Variants in EMSY observed in about 807,000 individuals in gnomAD.
EMSY encodes the protein EMSY transcriptional repressor, BRCA2 interacting.
EMSY carries 26 observed loss-of-function variants against 134.6 expected under a neutral mutation model. The ratio of observed to expected loss-of-function variants is 0.19; its 90% CI spans 0.14 to 0.27. The LOEUF (loss-of-function observed/expected upper bound fraction) is 0.27, where lower values mean the gene tolerates loss of function less well. Ranked by LOEUF, EMSY falls within the 10% of genes least tolerant of loss-of-function variation. The probability of loss-of-function intolerance (pLI) is 1.00; values close to 1 mark genes in which losing one functional copy is unlikely to be tolerated. For missense variants in EMSY, 1,305 were observed against 1,611.4 expected (o/e 0.81, Z 3.26); for synonymous variants, 579 against 577.8 (o/e 1.00, Z -0.03).
intron 7 of EMSY, among the ~76,000 whole-genome samples, chr11:76,465,370 C>T (rs1389358204): frequency 6.6e-6 from 1 of 152,080 alleles, no homozygotes; most frequent in Non-Finnish European, 1.5e-5. Flanking sequence ...ACTCTCTACC[C>T]GAGTTTTCTC....
intron 1 of EMSY, among the ~76,000 whole-genome samples, chr11:76,446,052 G>A (rs1947374817): frequency 6.6e-6 from 1 of 152,030 alleles, no homozygotes; most frequent in Non-Finnish European, 1.5e-5. Context: ...CAGTGAGCTC[G>A]TTCATTCATT....
intron 8 of EMSY, among the ~76,000 whole-genome samples, chr11:76,483,170 A>C (rs1949048337): frequency 6.6e-6 from 1 of 152,226 alleles, no homozygotes; most frequent in South Asian, 2.1e-4. Flanking sequence ...TAAGTGAAGG[A>C]GAAATAAAAT....
At chr11:76,448,509 C>A (rs1468609755) in intron 2 of EMSY, among the ~76,000 whole-genome samples, 1 of 151,852 alleles carries the variant, frequency 6.6e-6, no homozygotes, top group African/African-American at 2.4e-5. Flanking sequence ...GGCTTGGGGG[C>A]CTTTGAATTG....
At chr11:76,547,920 C>T (rs1204118004) in intron 20 of EMSY, among the ~76,000 whole-genome samples, 5 of 152,180 alleles carry the variant, frequency 3.3e-5, no homozygotes, top group Admixed American at 2.0e-4. Context: ...GAGGTAAGGA[C>T]AGCAGAGTGA....
chr11:76,551,502 A>G (rs970690872), exon 21 of EMSY: 2 of 152,682 alleles, frequency 1.3e-5, no homozygotes, highest in African/African-American at 2.4e-5. Flanking sequence ...TCTGGGGGGA[A>G]AAAGCTGTGA....
At chr11:76,544,843 T>C in intron 19 of EMSY, 21 bp downstream of exon 20, 1 of 1,608,506 alleles carries the variant, frequency 6.2e-7, no homozygotes, top group Non-Finnish European at 8.5e-7. Context: ...ATTGATAGCA[T>C]GCAAAGTTAA....
intron 8 of EMSY, among the ~76,000 whole-genome samples, chr11:76,488,878 A>G (rs1219332500): frequency 1.3e-5 from 2 of 152,168 alleles, no homozygotes; most frequent in East Asian, 1.9e-4. Flanking sequence ...AGCTGTGACA[A>G]TGTCAGAGAA....
chr11:76,527,014 A>C (rs1950867877), intron 13 of EMSY, among the ~76,000 whole-genome samples: 1 of 152,210 alleles, frequency 6.6e-6, no homozygotes, highest in Non-Finnish European at 1.5e-5. Flanking sequence ...CATTTTATTT[A>C]CTTATAAAAT....
chr11:76,453,528 TA>T, intron 4 of EMSY, 140 bp downstream of exon 4: 1 of 688,140 alleles, frequency 1.5e-6, no homozygotes, highest in Non-Finnish European at 2.2e-6. Context: ...ATCATAGCAG[TA>T]AAAGTGATAT....
At chr11:76,484,321 T>TAAA (rs1949095818) in intron 8 of EMSY, among the ~76,000 whole-genome samples, 1 of 152,126 alleles carries the variant, frequency 6.6e-6, no homozygotes, top group Admixed American at 6.5e-5. Flanking sequence ...ATTGACACCC[T>TAAA]AACATCACAA....
chr11:76,453,286 G>C, intron 3 of EMSY, 28 bp from the exon 4 acceptor site: 1 of 1,605,142 alleles, frequency 6.2e-7, no homozygotes, highest in Non-Finnish European at 8.5e-7. Context: ...GCTTGGCAGA[G>C]TTCTATAATG....
At chr11:76,542,184 T>A (rs761033516) in intron 17 of EMSY, 32 bp from the exon 19 acceptor site, 110 of 1,613,016 alleles carry the variant, frequency 6.8e-5, no homozygotes, top group Admixed American at 5.0e-4. Context: ...TGGTGATTTC[T>A]GGAGAAATAT....
chr11:76,448,240 A>C (rs1000759939), intron 2 of EMSY, among the ~76,000 whole-genome samples: 1 of 152,162 alleles, frequency 6.6e-6, no homozygotes, highest in African/African-American at 2.4e-5. Flanking sequence ...ACCCAAGGCC[A>C]CTATGAGGAT....
intron 8 of EMSY, among the ~76,000 whole-genome samples, chr11:76,492,623 T>C (rs952535456): frequency 3.3e-5 from 5 of 152,204 alleles, no homozygotes; most frequent in African/African-American, 1.2e-4. Context: ...GCAGAGATGC[T>C]GCAGTGGGGG....
chr11:76,451,202 T>C (rs939609636), intron 2 of EMSY, among the ~76,000 whole-genome samples: 2 of 152,202 alleles, frequency 1.3e-5, no homozygotes, highest in Admixed American at 1.3e-4. Context: ...GATCATTTCA[T>C]GTTTATGTTT....
intron 8 of EMSY, among the ~76,000 whole-genome samples, chr11:76,473,986 C>T (rs908044701): frequency 2.6e-5 from 4 of 151,438 alleles, no homozygotes; most frequent in African/African-American, 4.9e-5. Context: ...AAAAATTAGC[C>T]GGGCATGGTA....
At chr11:76,468,427 A>G (rs1948446677) in intron 7 of EMSY, among the ~76,000 whole-genome samples, 1 of 152,186 alleles carries the variant, frequency 6.6e-6, no homozygotes. Flanking sequence ...GTACTCTTTT[A>G]CTTCTTGTGT....
intron 14 of EMSY, among the ~76,000 whole-genome samples, chr11:76,530,886 A>C (rs1235268822): frequency 6.6e-6 from 1 of 152,186 alleles, no homozygotes; most frequent in Non-Finnish European, 1.5e-5. Flanking sequence ...TTTCTGTTAC[A>C]TTGTTGCTTT....
chr11:76,537,559 A>G (rs777543315), intron 15 of EMSY, among the ~76,000 whole-genome samples: 16 of 152,184 alleles, frequency 1.1e-4, no homozygotes, highest in Non-Finnish European at 1.5e-4. Context: ...TAAAAAGGAG[A>G]TGATTTTTGT....
Sources: allele counts gnomAD v4.1 joint callset (sites outside exome capture counted in the v4.1 genomes callset), GRCh38; gene constraint gnomAD v4.1.1; transcripts MANE v1.5; gene names NCBI Gene and HGNC (gene_info 2026-07-23, HGNC 2026-07-21).